Variants in JAZF1 observed in about 807,000 individuals in gnomAD.
JAZF1 encodes the protein juxtaposed with another zinc finger protein 1.
JAZF1 carries 8 observed loss-of-function variants against 26.4 expected under a neutral mutation model. The observed-to-expected ratio is 0.30, with a 90% CI of 0.18 to 0.55. The LOEUF is 0.55. Ranked by LOEUF, JAZF1 falls within the 20% of genes least tolerant of loss-of-function variation. JAZF1 has a pLI of 0.94. For synonymous variants in JAZF1, 126 were observed against 122.3 expected (o/e 1.03, Z -0.20); for missense variants, 199 against 322.0 (o/e 0.62, Z 2.92).
chr7:27,891,199 G>A (rs1783971307), intron 3 of JAZF1, among the ~76,000 whole-genome samples: 2 of 152,244 alleles, frequency 1.3e-5, no homozygotes, highest in Admixed American at 1.3e-4. Context: ...TGTAAACCAG[G>A]GGTTGGAAAA....
intron 2 of JAZF1, among the ~76,000 whole-genome samples, chr7:27,962,419 G>C (rs546653323): frequency 6.6e-6 from 1 of 152,254 alleles, no homozygotes; most frequent in South Asian, 2.1e-4. Context: ...TTATCCAACT[G>C]GCTCTCATGG....
intron 1 of JAZF1, among the ~76,000 whole-genome samples, chr7:28,059,234 A>G (rs971446753): frequency 1.3e-5 from 2 of 152,146 alleles, no homozygotes; most frequent in African/African-American, 4.8e-5. Flanking sequence ...ATATAATTTT[A>G]CATACTTTTC....
chr7:28,088,033 C>G (rs1302331045), intron 1 of JAZF1, among the ~76,000 whole-genome samples: 2 of 152,154 alleles, frequency 1.3e-5, no homozygotes, highest in Non-Finnish European at 2.9e-5. Flanking sequence ...TCCCTGCCAG[C>G]TTTGAACTAC....
At chr7:28,163,342 A>G (rs544043154) in intron 1 of JAZF1, among the ~76,000 whole-genome samples, 1 of 152,294 alleles carries the variant, frequency 6.6e-6, no homozygotes, top group Admixed American at 6.5e-5. Flanking sequence ...GAGGTTCCCA[A>G]CTGGCTGGGC....
chr7:27,846,990 A>T (rs1783042802), intron 3 of JAZF1, among the ~76,000 whole-genome samples: 1 of 151,536 alleles, frequency 6.6e-6, no homozygotes, highest in South Asian at 2.1e-4. Flanking sequence ...TTTTTTTGAG[A>T]TGGAGTTTCA....
intron 1 of JAZF1, among the ~76,000 whole-genome samples, chr7:28,027,569 G>C (rs1242676608): frequency 6.6e-6 from 1 of 152,194 alleles, no homozygotes; most frequent in African/African-American, 2.4e-5. Flanking sequence ...CTTCTGAAGA[G>C]CAGAGAAATG....
At chr7:28,032,405 C>G (rs1345768885) in intron 1 of JAZF1, among the ~76,000 whole-genome samples, 1 of 152,140 alleles carries the variant, frequency 6.6e-6, no homozygotes, top group Non-Finnish European at 1.5e-5. Flanking sequence ...TTGTAAGACT[C>G]ACAGAGGATA....
At chr7:28,087,896 T>C (rs1004069255) in intron 1 of JAZF1, among the ~76,000 whole-genome samples, 1 of 152,234 alleles carries the variant, frequency 6.6e-6, no homozygotes, top group Admixed American at 6.5e-5. Context: ...TATTCTTGTA[T>C]ATTTTCTTTC....
Position 28,110,301 on chromosome 7 carries a change from C to T in JAZF1, c.115+70162G>A, listed in dbSNP as rs558732317. 1.3e-3 allele frequency among the ~76,000 whole-genome samples: 193 copies of T among 151,754 alleles called. 1 individual carries two copies. The highest frequency in any genetic ancestry group is 0.01 in the Middle Eastern group (3 of 294). On this transcript the variant is annotated intron_variant, in intron 1 of 4. Coordinates refer to ENST00000283928, the MANE Select transcript of JAZF1 (RefSeq NM_175061.4). ...ATTAGCTGGGTGTGGTGGTGTGTGC[C>T]TGTAATCTCAGTTACTTGGGAGGCT...
At chr7:28,129,782 A>C (rs1782759396) in intron 1 of JAZF1, among the ~76,000 whole-genome samples, 1 of 152,264 alleles carries the variant, frequency 6.6e-6, no homozygotes, top group South Asian at 2.1e-4. Context: ...TAAAATACCC[A>C]CAATCACATC....
intron 2 of JAZF1, among the ~76,000 whole-genome samples, chr7:27,922,485 G>A (rs1006231624): frequency 1.3e-5 from 2 of 152,112 alleles, no homozygotes; most frequent in Admixed American, 6.5e-5. Context: ...CTGAGCTCAG[G>A]CAATCCGCCC....
At chr7:27,972,284 T>C (rs1352481782) in intron 2 of JAZF1, among the ~76,000 whole-genome samples, 1 of 152,196 alleles carries the variant, frequency 6.6e-6, no homozygotes, top group Non-Finnish European at 1.5e-5. Context: ...GACCAGAGAC[T>C]AAAAGAAGGG....
intron 2 of JAZF1, among the ~76,000 whole-genome samples, chr7:27,948,445 A>C (rs1784954101): frequency 1.3e-5 from 2 of 152,198 alleles, no homozygotes; most frequent in Non-Finnish European, 1.5e-5. Flanking sequence ...CAAATGAAGC[A>C]TTATTTTTTT....
chr7:27,879,665 C>T (rs755825935), intron 3 of JAZF1, among the ~76,000 whole-genome samples: 18 of 151,908 alleles, frequency 1.2e-4, no homozygotes, highest in African/African-American at 2.9e-4. Flanking sequence ...GTCATGATCA[C>T]GCCTCAAAAA....
chr7:28,146,342 G>T (rs1370426488), intron 1 of JAZF1, among the ~76,000 whole-genome samples: 2 of 152,188 alleles, frequency 1.3e-5, no homozygotes, highest in African/African-American at 4.8e-5. Context: ...TCCATTTAGG[G>T]AACAGTGATA....
intron 3 of JAZF1, among the ~76,000 whole-genome samples, chr7:27,858,322 AT>A (rs1420103406): frequency 6.6e-6 from 1 of 152,236 alleles, no homozygotes; most frequent in Non-Finnish European, 1.5e-5. Flanking sequence ...TAATTTACAG[AT>A]TCAATGCTAT....
intron 1 of JAZF1, among the ~76,000 whole-genome samples, chr7:27,992,806 ATTTCT>A (rs1171145197): frequency 6.6e-6 from 1 of 152,248 alleles, no homozygotes; most frequent in Non-Finnish European, 1.5e-5. Flanking sequence ...TTTCACACAG[ATTTCT>A]TTTCATTATA....
At chr7:28,110,561 GAAAGGA>G (rs1233734002) in intron 1 of JAZF1, among the ~76,000 whole-genome samples, 31 of 119,150 alleles carry the variant, frequency 2.6e-4, no homozygotes, top group East Asian at 8.7e-4. Flanking sequence ...AAAGGAAAGG[GAAAGGA>G]AAAGGGAAAG....
At chr7:27,894,326 C>T (rs533744478) in intron 3 of JAZF1, among the ~76,000 whole-genome samples, 39 of 152,322 alleles carry the variant, frequency 2.6e-4, no homozygotes, top group African/African-American at 9.4e-4. Flanking sequence ...AGCCACAGCA[C>T]CCAGCTGAAG....
Sources: allele counts gnomAD v4.1 joint callset (sites outside exome capture counted in the v4.1 genomes callset), GRCh38; gene constraint gnomAD v4.1.1; transcripts MANE v1.5; gene names NCBI Gene and HGNC (gene_info 2026-07-23, HGNC 2026-07-21).